The following CDH13 variants were observed in gnomAD, a reference collection of about 807,000 sequenced individuals.
The protein encoded by CDH13 is cadherin-13.
A neutral mutation model predicts 63.8 loss-of-function variants in CDH13; 24 were observed. The observed-to-expected ratio is 0.38, with a 90% CI of 0.27 to 0.53. The LOEUF (loss-of-function observed/expected upper bound fraction) is 0.53, where lower values mean the gene tolerates loss of function less well. CDH13 is among the 20% of genes least tolerant of loss of function. The pLI is 0.85. For missense variants in CDH13, 1,049 were observed against 903.1 expected, an observed-to-expected ratio of 1.16 and a Z score of -2.07; for synonymous variants, 503 against 355.3, an observed-to-expected ratio of 1.42 and a Z score of -4.67.
At chr16:82,642,549 A>T (rs921318099) in intron 1 of CDH13, among the ~76,000 whole-genome samples, 2 of 152,110 alleles carry the variant, frequency 1.3e-5, no homozygotes, top group Non-Finnish European at 2.9e-5. Context: ...ATATGATGAG[A>T]CTTGACTATA....
intron 3 of CDH13, among the ~76,000 whole-genome samples, chr16:83,104,733 C>G (rs1427694776): frequency 6.6e-6 from 1 of 152,090 alleles, no homozygotes; most frequent in Admixed American, 6.5e-5. Flanking sequence ...ATTGGTTGAA[C>G]AAAGGGGGCA....
chr16:82,637,664 C>T (rs34041966), intron 1 of CDH13: 3 of 151,278 alleles, frequency 2.0e-5, no homozygotes, highest in Non-Finnish European at 4.4e-5. Flanking sequence ...GTCTCGATCT[C>T]CTGACCTCGT....
intron 7 of CDH13, among the ~76,000 whole-genome samples, chr16:83,555,667 A>C (rs1391794283): frequency 6.6e-6 from 1 of 152,242 alleles, no homozygotes; most frequent in Non-Finnish European, 1.5e-5. Context: ...AACCATTCTG[A>C]CTTTTTGAGA....
At chr16:83,574,732 G>A (rs61250152) in intron 7 of CDH13, among the ~76,000 whole-genome samples, 46,000 of 152,012 alleles carry the variant, frequency 0.3, 8,009 homozygotes, top group East Asian at 0.42. Flanking sequence ...GTCATACCAG[G>A]CCCTGTTAAG....
chr16:83,086,081 A>C (rs1262160480), intron 3 of CDH13, among the ~76,000 whole-genome samples: 4 of 152,204 alleles, frequency 2.6e-5, no homozygotes, highest in Non-Finnish European at 2.9e-5. Context: ...CTTTGCATGT[A>C]CCCCATGATG....
chr16:82,661,565 C>G (rs1254607397), intron 1 of CDH13, among the ~76,000 whole-genome samples: 1 of 152,206 alleles, frequency 6.6e-6, no homozygotes, highest in African/African-American at 2.4e-5. Context: ...GCATCAACAC[C>G]TTCTAGAAGA....
At chr16:83,390,642 C>T (rs1424175) in intron 6 of CDH13, among the ~76,000 whole-genome samples, 14,058 of 152,102 alleles carry the variant, frequency 0.092, 806 homozygotes, top group South Asian at 0.13. Flanking sequence ...ACTGTCTCCC[C>T]ACCCCAACAG....
intron 1 of CDH13, among the ~76,000 whole-genome samples, chr16:82,640,580 G>C (rs1909275979): frequency 6.6e-6 from 1 of 152,178 alleles, no homozygotes; most frequent in Non-Finnish European, 1.5e-5. Context: ...AGCAGAGCTA[G>C]ATTGGTCCTT....
At chr16:83,710,841 C>G (rs930925210) in intron 10 of CDH13, among the ~76,000 whole-genome samples, 1 of 152,148 alleles carries the variant, frequency 6.6e-6, no homozygotes, top group African/African-American at 2.4e-5. Context: ...ACTCGGGCAC[C>G]TGAGGCACAA....
chr16:82,793,890 G>A (rs749544448), intron 1 of CDH13, among the ~76,000 whole-genome samples: 1 of 152,156 alleles, frequency 6.6e-6, no homozygotes, highest in Non-Finnish European at 1.5e-5. Flanking sequence ...ATATGGGACA[G>A]GCTGGGGCAG....
chr16:83,408,346 A>G (rs2092077734), intron 6 of CDH13, among the ~76,000 whole-genome samples: 1 of 152,234 alleles, frequency 6.6e-6, no homozygotes, highest in Non-Finnish European at 1.5e-5. Flanking sequence ...AGGTATCATT[A>G]GATGATTTGT....
chr16:83,340,785 C>T (rs879800804), intron 5 of CDH13, among the ~76,000 whole-genome samples: 22 of 152,144 alleles, frequency 1.4e-4, no homozygotes, highest in Non-Finnish European at 3.1e-4. Context: ...AGGCTACCTA[C>T]TATGGAATTA....
chr16:83,260,877 C>G lies in CDH13; in HGVS notation c.636+43380C>G, dbSNP rs561854603. ...GAATGTATTTGAAAAGCATGCATAG[C>G]TCATAGCTCCTAGAACTGACAGTGA... On this transcript the variant is annotated intron_variant, in intron 5 of 13. Transcript: ENST00000567109. Among the ~76,000 whole-genome samples the G allele has an allele frequency of 1.4e-3, 215 of 152,092 alleles. 3 individuals carry two copies. The South Asian group carries it at 0.042, about 30-fold the overall frequency.
chr16:83,367,140 C>G (rs1453253226), intron 6 of CDH13, among the ~76,000 whole-genome samples: 5 of 152,180 alleles, frequency 3.3e-5, no homozygotes, highest in African/African-American at 1.2e-4. Context: ...CTCGAAAACT[C>G]TTTGGTACTA....
At chr16:83,426,101 G>A (rs2071886873) in intron 6 of CDH13, among the ~76,000 whole-genome samples, 1 of 151,960 alleles carries the variant, frequency 6.6e-6, no homozygotes, top group South Asian at 2.1e-4. Context: ...GTATTCCCAG[G>A]GACCCTTTGG....
At chr16:82,953,745 G>C (rs1183737598) in intron 2 of CDH13, 1 of 152,134 alleles carries the variant, frequency 6.6e-6, no homozygotes, top group African/African-American at 2.4e-5. Context: ...CACAATACCA[G>C]CTTGGCATGT....
chr16:83,380,454 A>G (rs2091541846), intron 6 of CDH13, among the ~76,000 whole-genome samples: 1 of 152,238 alleles, frequency 6.6e-6, no homozygotes, highest in Non-Finnish European at 1.5e-5. Flanking sequence ...CGTGACAGAT[A>G]CACGTGAAAC....
intron 1 of CDH13, among the ~76,000 whole-genome samples, chr16:82,663,640 A>C (rs1160900784): frequency 1.3e-5 from 2 of 152,236 alleles, no homozygotes; most frequent in African/African-American, 4.8e-5. Flanking sequence ...GCTTCTTCAG[A>C]CATCACTCTC....
chr16:83,490,114 T>C (rs1447280029), intron 7 of CDH13, among the ~76,000 whole-genome samples: 1 of 152,068 alleles, frequency 6.6e-6, no homozygotes, highest in Non-Finnish European at 1.5e-5. Flanking sequence ...TCCTGGCTTG[T>C]TGGGAGTGGA....
Sources: allele counts gnomAD v4.1 joint callset (sites outside exome capture counted in the v4.1 genomes callset), GRCh38; gene constraint gnomAD v4.1.1; transcripts MANE v1.5; gene names NCBI Gene and HGNC (gene_info 2026-07-23, HGNC 2026-07-21).